Variants in DOK6 observed in about 807,000 individuals in gnomAD.
DOK6 encodes the protein docking protein 6.
DOK6 carries 22 observed loss-of-function variants against 44.0 expected under a neutral mutation model. That is an observed-to-expected ratio of 0.50 (90% confidence interval 0.36 to 0.71). The LOEUF is 0.71. DOK6 is among the 30% of genes least tolerant of loss of function. DOK6 has a pLI of 0.00. For missense variants in DOK6, 340 were observed against 416.4 expected, an observed-to-expected ratio of 0.82 and a Z score of 1.60; for synonymous variants, 166 against 145.5, an observed-to-expected ratio of 1.14 and a Z score of -1.01.
chr18:69,495,852 G>A (rs1980870516), intron 1 of DOK6, among the ~76,000 whole-genome samples: 1 of 152,220 alleles, frequency 6.6e-6, no homozygotes, highest in African/African-American at 2.4e-5. Context: ...GGCTGTGTGG[G>A]CAGGGGCTGG....
In DOK6 at chr18:69,631,982, G is replaced by A. The variant is rs544343156; in HGVS notation, c.289+32484G>A. ...TTTTGATTCATTGTATGCCTTAAGCGTTCAAATATTCATATATTTTCTTGA... is the reference window on the plus strand; with the variant it reads ...TTTTGATTCATTGTATGCCTTAAGCATTCAAATATTCATATATTTTCTTGA... On this transcript the variant is annotated intron_variant, in intron 3 of 7. Transcript: ENST00000382713. Among the ~76,000 whole-genome samples the A allele has an allele frequency of 1.8e-4, 28 of 152,130 alleles. No individual in the cohort carries two copies. In the East Asian group the frequency reaches 2.7e-3, roughly 15 times the overall value.
intron 7 of DOK6, among the ~76,000 whole-genome samples, chr18:69,834,394 G>C (rs1484887669): frequency 1.3e-5 from 2 of 151,334 alleles, no homozygotes; most frequent in Admixed American, 1.3e-4. Flanking sequence ...GGAAGAAGGA[G>C]ATAAGTGACG....
At chr18:69,667,753 A>G (rs1286845116) in intron 3 of DOK6, among the ~76,000 whole-genome samples, 1 of 151,916 alleles carries the variant, frequency 6.6e-6, no homozygotes, top group African/African-American at 2.4e-5. Flanking sequence ...CAAATATCGA[A>G]CTGTGGGAGT....
chr18:69,687,620 T>G (rs1304085308), intron 4 of DOK6, among the ~76,000 whole-genome samples: 1 of 152,120 alleles, frequency 6.6e-6, no homozygotes. Flanking sequence ...AGGCAGAGGT[T>G]GCAGCGAGCC....
intron 7 of DOK6, among the ~76,000 whole-genome samples, chr18:69,802,935 A>G (rs775978235): frequency 1.3e-5 from 2 of 152,184 alleles, no homozygotes; most frequent in Non-Finnish European, 2.9e-5. Flanking sequence ...ATAAAATTTA[A>G]GCCAAAGAAA....
intron 2 of DOK6, among the ~76,000 whole-genome samples, chr18:69,581,757 C>T (rs1277278926): frequency 2.6e-5 from 4 of 152,188 alleles, no homozygotes; most frequent in African/African-American, 7.2e-5. Context: ...TAGGGAGGTA[C>T]ATTTCTGGCA....
chr18:69,570,595 A>G (rs1983091031), intron 2 of DOK6, among the ~76,000 whole-genome samples: 1 of 152,164 alleles, frequency 6.6e-6, no homozygotes, highest in South Asian at 2.1e-4. Context: ...AAATTCAGTG[A>G]ATTTGAAGCA....
At chr18:69,809,956 C>T (rs1383358241) in intron 7 of DOK6, among the ~76,000 whole-genome samples, 1 of 151,836 alleles carries the variant, frequency 6.6e-6, no homozygotes, top group Non-Finnish European at 1.5e-5. Context: ...ATTCCAATGA[C>T]ATTTTTTATA....
chr18:69,516,836 C>T (rs1163536986), intron 1 of DOK6, among the ~76,000 whole-genome samples: 1 of 128,740 alleles, frequency 7.8e-6, no homozygotes, highest in Non-Finnish European at 1.7e-5. Context: ...CCACCACGCA[C>T]GGCTAATTTT....
intron 7 of DOK6, among the ~76,000 whole-genome samples, chr18:69,825,686 A>C (rs954112581): frequency 6.6e-6 from 1 of 151,828 alleles, no homozygotes; most frequent in African/African-American, 2.4e-5. Flanking sequence ...TCAAGATTTA[A>C]CTTTCTATTC....
At chr18:69,643,920 T>A (rs1238857744) in intron 3 of DOK6, 1 of 152,192 alleles carries the variant, frequency 6.6e-6, no homozygotes, top group East Asian at 1.9e-4. Context: ...TTGTCACCAT[T>A]GTATTATTTT....
At chr18:69,747,042 A>G (rs1979007987) in intron 6 of DOK6, among the ~76,000 whole-genome samples, 1 of 152,200 alleles carries the variant, frequency 6.6e-6, no homozygotes, top group Non-Finnish European at 1.5e-5. Context: ...TGAACAAATT[A>G]TATTATCCCT....
chr18:69,769,992 G>T (rs1167200598), intron 7 of DOK6, among the ~76,000 whole-genome samples: 1 of 152,104 alleles, frequency 6.6e-6, no homozygotes, highest in Admixed American at 6.6e-5. Flanking sequence ...AAGAAGAAGG[G>T]TATTTTATTG....
chr18:69,623,525 CATA>C (rs1286735777), intron 3 of DOK6, among the ~76,000 whole-genome samples: 18 of 152,130 alleles, frequency 1.2e-4, no homozygotes, highest in Admixed American at 6.5e-4. Flanking sequence ...TCATAATGTG[CATA>C]ATCACCTTTT....
intron 7 of DOK6, among the ~76,000 whole-genome samples, chr18:69,814,992 T>C (rs1490100816): frequency 6.6e-6 from 1 of 152,146 alleles, no homozygotes; most frequent in Non-Finnish European, 1.5e-5. Flanking sequence ...ATATTTTTTT[T>C]CTGAGGTCAT....
intron 5 of DOK6, among the ~76,000 whole-genome samples, chr18:69,715,317 C>G (rs1201212187): frequency 6.6e-6 from 1 of 152,036 alleles, no homozygotes; most frequent in East Asian, 1.9e-4. Context: ...TAAATGGAAG[C>G]CACATTTATT....
At chr18:69,648,067 G>A (rs570248798) in intron 3 of DOK6, among the ~76,000 whole-genome samples, 1 of 152,158 alleles carries the variant, frequency 6.6e-6, no homozygotes, top group Non-Finnish European at 1.5e-5. Flanking sequence ...ATGAAGCCTG[G>A]CACATCCTTG....
intron 1 of DOK6, among the ~76,000 whole-genome samples, chr18:69,485,022 G>A (rs570396949): frequency 6.6e-6 from 1 of 152,258 alleles, no homozygotes; most frequent in Admixed American, 6.5e-5. Flanking sequence ...CTGAGAAAGT[G>A]CAGTGAATAT....
chr18:69,650,609 A>G, intron 3 of DOK6, among the ~76,000 whole-genome samples: 1 of 152,220 alleles, frequency 6.6e-6, no homozygotes, highest in East Asian at 1.9e-4. Context: ...ATCATATCCA[A>G]TGAAGGGAGG....
Sources: gnomAD v4.1 joint callset for allele counts (sites outside exome capture counted in the v4.1 genomes callset) on GRCh38, gnomAD v4.1.1 for gene constraint, MANE v1.5 for transcripts, NCBI Gene and HGNC (gene_info 2026-07-23, HGNC 2026-07-21) for gene names.